Variants in ANO1 observed in about 807,000 individuals in gnomAD.
ANO1 encodes anoctamin 1, also known as anoctamin-1.
Under a neutral mutation model 124.0 loss-of-function variants are expected in ANO1, and 59 were observed. The observed-to-expected ratio is 0.48, with a 90% CI of 0.39 to 0.59. The LOEUF (loss-of-function observed/expected upper bound fraction) is 0.59. Among genes scored for constraint, ANO1 ranks in the 20% least tolerant of loss-of-function variants. ANO1 has a pLI of 0.00. For synonymous variants in ANO1, 529 were observed against 532.0 expected (o/e 0.99, Z 0.08); for missense variants, 1,059 against 1,328.0 (o/e 0.80, Z 3.15).
intron 1 of ANO1, chr11:70,085,398 G>A (rs1199965031): frequency 6.6e-7 from 1 of 1,507,340 alleles, no homozygotes. Flanking sequence ...GTCACAGAGG[G>A]CAAGGTGGGC....
At chr11:70,176,148 T>C (rs1180568253) in intron 22 of ANO1, among the ~76,000 whole-genome samples, 4 of 141,072 alleles carry the variant, frequency 2.8e-5, no homozygotes, top group Non-Finnish European at 6.0e-5. Flanking sequence ...GGTATATATA[T>C]ATATACACTT....
chr11:70,135,646 CCCT>C (rs1384250795), intron 11 of ANO1, among the ~76,000 whole-genome samples: 2 of 152,220 alleles, frequency 1.3e-5, no homozygotes. Flanking sequence ...AACTGGGCCT[CCCT>C]CCTCTGCAGA....
intron 4 of ANO1, among the ~76,000 whole-genome samples, 188 bp downstream of exon 4, chr11:70,104,338 A>G (rs116742568): frequency 0.018 from 2,813 of 152,294 alleles, 88 homozygotes; most frequent in African/African-American, 0.063. Context: ...CTGATGAGTT[A>G]GGGGGACACA....
chr11:70,167,169 A>C, intron 20 of ANO1, 73 bp from the exon 21 acceptor site: 1 of 1,555,998 alleles, frequency 6.4e-7, no homozygotes, highest in South Asian at 1.2e-5. Context: ...AAGACACATC[A>C]CTAGAGGTGC....
At chr11:70,146,012 C>T (rs544503975) in intron 11 of ANO1, among the ~76,000 whole-genome samples, 186 of 151,642 alleles carry the variant, frequency 1.2e-3, no homozygotes, top group Non-Finnish European at 2.1e-3. Context: ...AGCTCTGTGA[C>T]CTTAGGCAAG....
intron 1 of ANO1, among the ~76,000 whole-genome samples, chr11:70,004,277 C>T (rs782342084): frequency 3.8e-5 from 5 of 132,562 alleles, no homozygotes; most frequent in African/African-American, 5.1e-5. Context: ...GTCCAGAACA[C>T]AGTTACATGA....
chr11:70,116,272 G>A lies in ANO1; in HGVS notation c.856-186G>A, dbSNP rs549154407. On this transcript the variant is annotated intron_variant, in intron 7 of 25. Coordinates refer to ENST00000355303, the MANE Select transcript of ANO1 (RefSeq NM_018043.7). ...CAGGGCGGCCAACAGGGACGTGCACGGCCTTTCTATCATAACGGGGGCACA... is the reference window on the plus strand; with the variant it reads ...CAGGGCGGCCAACAGGGACGTGCACAGCCTTTCTATCATAACGGGGGCACA... Among the ~76,000 whole-genome samples the A allele has an allele frequency of 2.6e-5, 4 of 152,312 alleles. No homozygotes were observed. In the East Asian group the frequency reaches 5.8e-4, roughly 22 times the overall value.
At chr11:70,039,441 G>C (rs1857146922) in intron 1 of ANO1, among the ~76,000 whole-genome samples, 1 of 152,172 alleles carries the variant, frequency 6.6e-6, no homozygotes, top group African/African-American at 2.4e-5. Context: ...TATGCTGGCA[G>C]CAAGGGCAGG....
At chr11:70,074,712 A>G (rs1168596228), upstream of ANO1, among the ~76,000 whole-genome samples, 1 of 152,128 alleles carries the variant, frequency 6.6e-6, no homozygotes, top group African/African-American at 2.4e-5. Flanking sequence ...ATCAAGAAAC[A>G]TTTTTAGTTG....
intron 1 of ANO1, among the ~76,000 whole-genome samples, chr11:70,031,126 G>T (rs34908212): frequency 6.6e-6 from 1 of 152,102 alleles, no homozygotes; most frequent in East Asian, 1.9e-4. Context: ...TGCGTTTTTC[G>T]TAGAGATGGA....
At chr11:70,034,684 A>T (rs1486210531) in intron 1 of ANO1, among the ~76,000 whole-genome samples, 3 of 152,210 alleles carry the variant, frequency 2.0e-5, no homozygotes, top group Non-Finnish European at 4.4e-5. Flanking sequence ...AAAGGGCATC[A>T]GAAGGAGAAA....
At chr11:70,149,924 C>T in intron 12 of ANO1, 132 bp downstream of exon 12, 1 of 911,786 alleles carries the variant, frequency 1.1e-6, no homozygotes, top group South Asian at 1.4e-5. Context: ...AGGCCGCCCC[C>T]CATCCCCCAC....
chr11:70,155,773 C>A (rs1189006097), intron 14 of ANO1, 138 bp from the exon 15 acceptor site: 5 of 701,648 alleles, frequency 7.1e-6, no homozygotes, highest in South Asian at 2.1e-5. Flanking sequence ...CCCGAGTCAG[C>A]CTTGGCAGTG....
At chr11:70,019,034 C>G (rs143755703) in intron 1 of ANO1, among the ~76,000 whole-genome samples, 1 of 152,212 alleles carries the variant, frequency 6.6e-6, no homozygotes, top group African/African-American at 2.4e-5. Context: ...AGCCATGTGG[C>G]GGAGGGGGGC....
intron 22 of ANO1, among the ~76,000 whole-genome samples, chr11:70,173,163 C>T (rs1007187091): frequency 6.6e-6 from 1 of 152,132 alleles, no homozygotes; most frequent in Admixed American, 6.5e-5. Context: ...GAGATGAAAT[C>T]GTCATTTTCA....
chr11:70,050,423 C>T (rs372309633), intron 1 of ANO1, among the ~76,000 whole-genome samples: 1 of 152,188 alleles, frequency 6.6e-6, no homozygotes, highest in South Asian at 2.1e-4. Context: ...GCTTCTCACC[C>T]GGAGCCCCCT....
chr11:70,124,231 G>A (rs754944174), intron 8 of ANO1, 119 bp from the exon 9 acceptor site: 22 of 904,500 alleles, frequency 2.4e-5, no homozygotes, highest in Non-Finnish European at 3.9e-5. Flanking sequence ...CCACTCTCAA[G>A]AAGTGTTTAT....
chr11:69,997,014 A>C (rs1463938121), intron 1 of ANO1, among the ~76,000 whole-genome samples: 1 of 152,194 alleles, frequency 6.6e-6, no homozygotes, highest in Non-Finnish European at 1.5e-5. Context: ...AATGTGGAAC[A>C]GTGGGGTCAC....
intron 1 of ANO1, among the ~76,000 whole-genome samples, chr11:70,043,554 G>A (rs552394556): frequency 6.6e-6 from 1 of 152,124 alleles, no homozygotes; most frequent in South Asian, 2.1e-4. Context: ...CTGAAAACAA[G>A]TAATAAAAAA....
Sources: gnomAD v4.1 joint callset for allele counts (sites outside exome capture counted in the v4.1 genomes callset) on GRCh38, gnomAD v4.1.1 for gene constraint, MANE v1.5 for transcripts, NCBI Gene and HGNC (gene_info 2026-07-23, HGNC 2026-07-21) for gene names.